Variants in PFDN1 observed in about 807,000 individuals in gnomAD.
The protein encoded by PFDN1 is prefoldin 1.
PFDN1 carries 6 observed loss-of-function variants against 17.3 expected under a neutral mutation model. That is an observed-to-expected ratio of 0.35 (90% CI 0.19 to 0.69). The LOEUF (loss-of-function observed/expected upper bound fraction) is 0.69. Among genes scored for constraint, PFDN1 ranks in the 30% least tolerant of loss-of-function variants. PFDN1 has a pLI of 0.65. For missense variants in PFDN1, 113 were observed against 146.2 expected (o/e 0.77, Z 1.17); for synonymous variants, 58 against 50.1 (o/e 1.16, Z -0.67).
In PFDN1 at chr5:140,278,278, T is replaced by C. The variant is rs140405809; in HGVS notation, c.285+3171A>G. Among the ~76,000 whole-genome samples the C allele has an allele frequency of 7.9e-4, 117 of 147,980 alleles. 1 individual carries two copies. The East Asian group carries it at 0.02, about 25-fold the overall frequency. Reference sequence around the variant, plus strand: ...TCCTAACATAAAACAAAATAAGACATACGCCCCAGTCAGGCATGGTGGCTC... The same window carrying C: ...TCCTAACATAAAACAAAATAAGACACACGCCCCAGTCAGGCATGGTGGCTC... On this transcript the variant is annotated intron_variant, in intron 3 of 3. Transcript: ENST00000261813.
At chr5:140,301,292 T>C (rs536291262) in intron 1 of PFDN1, among the ~76,000 whole-genome samples, 6 of 152,244 alleles carry the variant, frequency 3.9e-5, no homozygotes, top group African/African-American at 1.4e-4. Flanking sequence ...TGAGAAAAAA[T>C]GCAAAGCACT....
chr5:140,261,775 A>G (rs1481972584), intron 3 of PFDN1, among the ~76,000 whole-genome samples: 1 of 152,120 alleles, frequency 6.6e-6, no homozygotes, highest in Non-Finnish European at 1.5e-5. Context: ...CCTCCAACTC[A>G]AAGTTAAACT....
chr5:140,269,319 C>CTTT (rs755675601), intron 3 of PFDN1, among the ~76,000 whole-genome samples: 1 of 139,484 alleles, frequency 7.2e-6, no homozygotes, highest in Admixed American at 7.2e-5. Context: ...AGCCTTATAA[C>CTTT]TTTTTTTTTT....
chr5:140,271,705 G>C lies in PFDN1; in HGVS notation c.285+9744C>G, dbSNP rs192540736. ...ATACTCCATGAGAATACCTTCACTT[G>C]TTAAGAATAAAAATGGACTGTCTAG... On this transcript the variant is annotated intron_variant, in intron 3 of 3. Coordinates refer to ENST00000261813, the MANE Select transcript of PFDN1 (RefSeq NM_002622.5). Among the ~76,000 whole-genome samples, 316 of 152,110 alleles carry C rather than the reference G, an allele frequency of 2.1e-3. 2 individuals are homozygous for C. The highest frequency in any genetic ancestry group is 7.3e-3 in the African/African-American group (302 of 41,514).
chr5:140,245,981 GC>G lies in PFDN1; in HGVS notation c.361del (p.Ala121ProfsTer99). On this transcript the variant is annotated frameshift_variant, in exon 4 of 4. Coordinates refer to ENST00000261813, the MANE Select transcript of PFDN1 (RefSeq NM_002622.5). LOFTEE classifies it high-confidence loss of function. ...GCTTCCCAGAGAGGCTCCCTACTGG[GC>G]CCTTCGTGCCATCAGCATCTCCCGG... ...NIREMLMARR[A>X]Q 6.4e-7 allele frequency: 1 copy of G among 1,550,690 alleles called. No individual in the cohort carries two copies. Among genetic ancestry groups the G allele is most frequent in the Non-Finnish European group, 8.7e-7 (1 of 1,143,468 alleles).
chr5:140,245,756 G>C lies in PFDN1; in HGVS notation c.*218C>G, dbSNP rs992646866. On this transcript the variant is annotated 3_prime_UTR_variant, in exon 4 of 4. Transcript: ENST00000261813. ...TGGGAGTTCATCACACATCCCGAGA[G>C]GGAAGAGTGTCCTGGGCAGAGGTGG... The C allele has an allele frequency of 9.8e-6, 6 of 611,066 alleles. No homozygotes were observed. The highest frequency in any genetic ancestry group is 9.2e-5 in the African/African-American group (5 of 54,130). The allele number at this position is 611,066 out of a possible 1,614,324, so 37.9% of individuals were successfully genotyped here. A position where few individuals can be genotyped will look rare whatever the true frequency, so the allele number is the denominator to read the frequency against.
chr5:140,249,333 ACAAGTAGAAAAC>A (rs765376377), intron 3 of PFDN1, among the ~76,000 whole-genome samples: 161 of 152,368 alleles, frequency 1.1e-3, no homozygotes, highest in Non-Finnish European at 1.0e-3. Flanking sequence ...AGCTTCAAAT[ACAAGTAGAAAAC>A]CAAGTAGAAA....
chr5:140,259,847 A>C (rs1765038641), intron 3 of PFDN1, among the ~76,000 whole-genome samples: 2 of 152,176 alleles, frequency 1.3e-5, no homozygotes, highest in Non-Finnish European at 1.5e-5. Flanking sequence ...TCAGCTCCAG[A>C]ATTCCTATTT....
intron 3 of PFDN1, among the ~76,000 whole-genome samples, chr5:140,280,017 A>AG (rs1453177516): frequency 6.4e-4 from 93 of 145,582 alleles, no homozygotes; most frequent in African/African-American, 2.2e-3. Context: ...AAAAAAACAA[A>AG]AAAAGAAAAG....
intron 3 of PFDN1, among the ~76,000 whole-genome samples, chr5:140,276,346 T>C (rs1728923394): frequency 6.6e-6 from 1 of 151,986 alleles, no homozygotes; most frequent in African/African-American, 2.4e-5. Context: ...AATCAGAAAA[T>C]GGTTCTCAGG....
At chr5:140,302,461 CA>C (rs1206326504) in intron 1 of PFDN1, among the ~76,000 whole-genome samples, 7 of 152,156 alleles carry the variant, frequency 4.6e-5, no homozygotes, top group Non-Finnish European at 1.0e-4. Flanking sequence ...ACAATTCCTT[CA>C]AAAGAAGGAG....
chr5:140,280,014 C>CCAAAAAAAAAAAAAAAAAAAAAAAAA lies in PFDN1; in HGVS notation c.285+1434_285+1435insTTTTTTTTTTTTTTTTTTTTTTTTTG, dbSNP rs1335205089. Among the ~76,000 whole-genome samples, 127 of 99,030 alleles carry CCAAAAAAAAAAAAAAAAAAAAAAAAA rather than the reference C, an allele frequency of 1.3e-3. 2 individuals are homozygous for CCAAAAAAAAAAAAAAAAAAAAAAAAA. Among genetic ancestry groups the CCAAAAAAAAAAAAAAAAAAAAAAAAA allele is most frequent in the African/African-American group, 2.1e-3 (42 of 19,914 alleles). The allele number at this position is 99,030 out of a possible 152,430, so 65.0% of individuals were successfully genotyped here. ...CCGTCTCAAAAAAAAAAAAAAAAAACAAAAAAAGAAAAGAAAAGAAAAGAA... is the reference window on the plus strand; with the variant it reads ...CCGTCTCAAAAAAAAAAAAAAAAAACCAAAAAAAAAAAAAAAAAAAAAAAAAAAAAAAAGAAAAGAAAAGAAAAGAA... On this transcript the variant is annotated intron_variant, in intron 3 of 3. Coordinates refer to ENST00000261813, the MANE Select transcript of PFDN1 (RefSeq NM_002622.5).
chr5:140,264,996 G>A (rs1463771363), intron 3 of PFDN1, among the ~76,000 whole-genome samples: 2 of 152,110 alleles, frequency 1.3e-5, no homozygotes, highest in Non-Finnish European at 2.9e-5. Context: ...AAACTCGCAG[G>A]CATCTTTGCT....
At chr5:140,247,340 G>A (rs1015986693) in intron 3 of PFDN1, among the ~76,000 whole-genome samples, 3 of 122,620 alleles carry the variant, frequency 2.4e-5, no homozygotes, top group Non-Finnish European at 3.5e-5. Flanking sequence ...TTTATTTTTT[G>A]TATTGCCCAG....
chr5:140,295,838 T>G (rs1765645480), intron 2 of PFDN1, among the ~76,000 whole-genome samples: 1 of 151,674 alleles, frequency 6.6e-6, no homozygotes, highest in Non-Finnish European at 1.5e-5. Context: ...TTTGTTTAAC[T>G]AAATACATAC....
At chr5:140,287,007 G>A (rs765959715) in intron 2 of PFDN1, among the ~76,000 whole-genome samples, 1 of 152,006 alleles carries the variant, frequency 6.6e-6, no homozygotes, top group African/African-American at 2.4e-5. Context: ...TAGAACACTC[G>A]GTCTTTTTCG....
intron 2 of PFDN1, among the ~76,000 whole-genome samples, chr5:140,292,417 C>T (rs1353010082): frequency 6.6e-6 from 1 of 152,128 alleles, no homozygotes; most frequent in African/African-American, 2.4e-5. Context: ...ATACAGGATG[C>T]ATATTGTGAT....
chr5:140,270,620 T>C lies in PFDN1; in HGVS notation c.285+10829A>G, dbSNP rs375631093. 3.7e-4 allele frequency among the ~76,000 whole-genome samples: 56 copies of C among 152,066 alleles called. No individual in the cohort carries two copies. In the East Asian group the frequency reaches 8.1e-3, roughly 22 times the overall value. On this transcript the variant is annotated intron_variant, in intron 3 of 3. Coordinates refer to ENST00000261813, the MANE Select transcript of PFDN1 (RefSeq NM_002622.5). ...ATTTCAAGATAAATAAGGAAGGCTA[T>C]CCAATTAAAAGAACCAATCTATGGG...
intron 3 of PFDN1, among the ~76,000 whole-genome samples, chr5:140,249,547 G>T (rs1352761534): frequency 6.6e-6 from 1 of 152,198 alleles, no homozygotes; most frequent in Non-Finnish European, 1.5e-5. Flanking sequence ...CTGTCTCCAC[G>T]GGTGTCTTAG....
Sources: gnomAD v4.1 joint callset for allele counts (sites outside exome capture counted in the v4.1 genomes callset) on GRCh38, gnomAD v4.1.1 for gene constraint, MANE v1.5 for transcripts, NCBI Gene and HGNC (gene_info 2026-07-23, HGNC 2026-07-21) for gene names.